The following PRKAR2A variants were observed in gnomAD, a reference collection of about 807,000 sequenced individuals.
PRKAR2A encodes protein kinase cAMP-dependent type II regulatory subunit alpha.
Under a neutral mutation model 51.9 loss-of-function variants are expected in PRKAR2A, and 29 were observed. That is an observed-to-expected ratio of 0.56 (90% CI 0.42 to 0.76). The LOEUF is 0.76. Among genes scored for constraint, PRKAR2A ranks in the 30% least tolerant of loss-of-function variants. The pLI is 0.00. For missense variants in PRKAR2A, 445 were observed against 512.1 expected, an observed-to-expected ratio of 0.87 and a Z score of 1.26; for synonymous variants, 178 against 186.2, an observed-to-expected ratio of 0.96 and a Z score of 0.36.
intron 1 of PRKAR2A, among the ~76,000 whole-genome samples, chr3:48,820,546 A>G (rs2082944683): frequency 6.6e-6 from 1 of 152,204 alleles, no homozygotes; most frequent in African/African-American, 2.4e-5. Flanking sequence ...GTAAGAATGA[A>G]GTAGTTATAA....
At chr3:48,775,882 T>A (rs369390423) in intron 5 of PRKAR2A, among the ~76,000 whole-genome samples, 1 of 151,796 alleles carries the variant, frequency 6.6e-6, no homozygotes, top group East Asian at 1.9e-4. Context: ...CCGAGGTGAG[T>A]GGATCACCTG....
chr3:48,829,820 TATATACATACATATATATGC>T (rs1314135309), intron 1 of PRKAR2A, among the ~76,000 whole-genome samples: 3 of 133,950 alleles, frequency 2.2e-5, no homozygotes, highest in African/African-American at 8.1e-5. Flanking sequence ...TATATGTATG[TATATACATACATATATATGC>T]GTGTGTGTAT....
chr3:48,773,652 A>G (rs1228008359), intron 5 of PRKAR2A, among the ~76,000 whole-genome samples: 2 of 151,514 alleles, frequency 1.3e-5, no homozygotes, highest in Non-Finnish European at 2.9e-5. Context: ...TTTTCTACAT[A>G]GAGGATCATG....
At chr3:48,788,314 C>T (rs1159661166) in intron 4 of PRKAR2A, among the ~76,000 whole-genome samples, 1 of 152,106 alleles carries the variant, frequency 6.6e-6, no homozygotes, top group African/African-American at 2.4e-5. Context: ...CAGGTGTGAG[C>T]CACCGTGCCC....
At chr3:48,757,094 C>T (rs2081783169) in intron 8 of PRKAR2A, among the ~76,000 whole-genome samples, 1 of 151,974 alleles carries the variant, frequency 6.6e-6, no homozygotes, top group South Asian at 2.1e-4. Flanking sequence ...TAGGAGCTGA[C>T]AAAGGATGAA....
chr3:48,771,508 G>A (rs1009460427), intron 6 of PRKAR2A, among the ~76,000 whole-genome samples: 1 of 152,202 alleles, frequency 6.6e-6, no homozygotes, highest in African/African-American at 2.4e-5. Context: ...CTGGAGATCT[G>A]TTATTGATTT....
chr3:48,820,994 T>C (rs1274589426), intron 1 of PRKAR2A, among the ~76,000 whole-genome samples: 1 of 152,186 alleles, frequency 6.6e-6, no homozygotes, highest in Non-Finnish European at 1.5e-5. Flanking sequence ...AGGCTCCCTA[T>C]GTCAGGGGCA....
chr3:48,756,269 C>T (rs2081762198), intron 9 of PRKAR2A, 110 bp downstream of exon 9: 6 of 941,282 alleles, frequency 6.4e-6, no homozygotes, highest in African/African-American at 3.2e-5. Context: ...TTGCCAGTCA[C>T]ACACCTCACA....
chr3:48,761,943 A>T (rs911428135), intron 8 of PRKAR2A, among the ~76,000 whole-genome samples: 3 of 152,200 alleles, frequency 2.0e-5, no homozygotes, highest in Admixed American at 2.0e-4. Context: ...AAAATTACAT[A>T]TGTGGCTCAC....
At chr3:48,829,983 A>AG (rs2083161718) in intron 1 of PRKAR2A, among the ~76,000 whole-genome samples, 1 of 148,598 alleles carries the variant, frequency 6.7e-6, no homozygotes, top group Non-Finnish European at 1.5e-5. Flanking sequence ...GGCTCACCTG[A>AG]GGTCAGGAGT....
chr3:48,833,489 C>T (rs2083228522), intron 1 of PRKAR2A, among the ~76,000 whole-genome samples: 1 of 151,788 alleles, frequency 6.6e-6, no homozygotes, highest in Admixed American at 6.6e-5. Flanking sequence ...GGGTGGATCA[C>T]CTGAGGTCAG....
intron 6 of PRKAR2A, among the ~76,000 whole-genome samples, chr3:48,767,268 C>A (rs1264897793): frequency 6.7e-6 from 1 of 149,478 alleles, no homozygotes. Flanking sequence ...CGCTTGAGGT[C>A]AGGAGTTCAA....
chr3:48,789,903 TTCTCTCCC>T (rs946731453), intron 4 of PRKAR2A, among the ~76,000 whole-genome samples: 137 of 151,938 alleles, frequency 9.0e-4, no homozygotes, highest in African/African-American at 3.2e-3. Flanking sequence ...TCCTTTCTTT[TTCTCTCCC>T]TCTCTCCCTC....
At chr3:48,813,790 G>T (rs976542672) in intron 1 of PRKAR2A, among the ~76,000 whole-genome samples, 3 of 152,002 alleles carry the variant, frequency 2.0e-5, no homozygotes, top group African/African-American at 7.3e-5. Flanking sequence ...GCTGCTATGA[G>T]CCATGTTAAA....
Position 48,787,846 on chromosome 3 carries a change from A to G in PRKAR2A, c.435+2698T>C, listed in dbSNP as rs544156008. On this transcript the variant is annotated intron_variant, in intron 4 of 10. Coordinates refer to ENST00000265563, the MANE Select transcript of PRKAR2A (RefSeq NM_004157.4). ...CCTTTGACTGATGCATTGTAAGCTC[A>G]TATCTGACCAGCCCAGATTCCTAAG... 1.5e-3 allele frequency among the ~76,000 whole-genome samples: 223 copies of G among 152,226 alleles called. 1 individual carries two copies. Among genetic ancestry groups the G allele is most frequent in the Non-Finnish European group, 2.7e-3 (181 of 68,002 alleles).
chr3:48,778,456 G>A (rs930527336), intron 5 of PRKAR2A, among the ~76,000 whole-genome samples: 1 of 151,766 alleles, frequency 6.6e-6, no homozygotes, highest in Non-Finnish European at 1.5e-5. Flanking sequence ...CAATTAGCTG[G>A]GACTATAGGC....
intron 2 of PRKAR2A, among the ~76,000 whole-genome samples, chr3:48,797,700 G>C (rs1415078661): frequency 6.6e-6 from 1 of 152,152 alleles, no homozygotes; most frequent in Non-Finnish European, 1.5e-5. Flanking sequence ...AATTAGGGGG[G>C]ATAGAGTTAA....
At chr3:48,793,108 T>C (rs534101105) in intron 3 of PRKAR2A, among the ~76,000 whole-genome samples, 22 of 151,642 alleles carry the variant, frequency 1.5e-4, no homozygotes, top group Non-Finnish European at 2.6e-4. Flanking sequence ...TATATACAAA[T>C]AAATATATAT....
At chr3:48,760,297 T>C (rs1442861081) in intron 8 of PRKAR2A, among the ~76,000 whole-genome samples, 1 of 152,010 alleles carries the variant, frequency 6.6e-6, no homozygotes, top group Non-Finnish European at 1.5e-5. Flanking sequence ...GTGGAGGTTG[T>C]AGTCAGCCGA....
Sources: allele counts gnomAD v4.1 joint callset (sites outside exome capture counted in the v4.1 genomes callset), GRCh38; gene constraint gnomAD v4.1.1; transcripts MANE v1.5; gene names NCBI Gene and HGNC (gene_info 2026-07-23, HGNC 2026-07-21).